FARS2: variants seen among roughly 807,000 people sequenced by gnomAD.
The protein encoded by FARS2 is phenylalanine--tRNA ligase, mitochondrial.
Under a neutral mutation model 46.4 loss-of-function variants are expected in FARS2, and 40 were observed. The ratio of observed to expected loss-of-function variants is 0.86; its 90% confidence interval spans 0.67 to 1.12. FARS2 has a LOEUF of 1.12. FARS2 is among the 50% of genes most tolerant of loss of function. FARS2 has a pLI of 0.00. For missense variants in FARS2, 513 were observed against 567.9 expected (o/e 0.90, Z 0.98); for synonymous variants, 234 against 214.9 (o/e 1.09, Z -0.78).
chr6:5,476,111 C>T (rs1766107392), intron 4 of FARS2, among the ~76,000 whole-genome samples: 3 of 152,106 alleles, frequency 2.0e-5, no homozygotes, highest in Admixed American at 2.0e-4. Context: ...CTCTTCCTTC[C>T]CTCCAAGTTG....
At chr6:5,545,435 A>ATTTAT (rs1179353446) in intron 5 of FARS2, 95 bp downstream of exon 5, 5 of 906,754 alleles carry the variant, frequency 5.5e-6, no homozygotes, top group Non-Finnish European at 6.4e-6. Flanking sequence ...ATTTTATTTT[A>ATTTAT]TTTATTTTAT....
chr6:5,628,895 A>G (rs1381702787), intron 6 of FARS2, among the ~76,000 whole-genome samples: 2 of 152,240 alleles, frequency 1.3e-5, no homozygotes, highest in African/African-American at 2.4e-5. Context: ...TCTAAAACAC[A>G]TGCAATTGCA....
chr6:5,754,749 T>C (rs1762122954), intron 6 of FARS2, among the ~76,000 whole-genome samples: 1 of 152,252 alleles, frequency 6.6e-6, no homozygotes. Context: ...CCTGAACTCT[T>C]TGTAGCTACT....
At chr6:5,637,093 G>T (rs1322622120) in intron 6 of FARS2, among the ~76,000 whole-genome samples, 6 of 152,218 alleles carry the variant, frequency 3.9e-5, no homozygotes, top group Admixed American at 3.9e-4. Flanking sequence ...ATCCAGAGCC[G>T]AATAGATGCA....
chr6:5,496,109 T>C (rs1290700000), intron 4 of FARS2, among the ~76,000 whole-genome samples: 2 of 152,202 alleles, frequency 1.3e-5, no homozygotes, highest in Admixed American at 1.3e-4. Flanking sequence ...ACTACGGCCA[T>C]ATAAAACAAT....
At chr6:5,414,830 T>G (rs1008451300) in intron 3 of FARS2, among the ~76,000 whole-genome samples, 2 of 147,268 alleles carry the variant, frequency 1.4e-5, no homozygotes, top group African/African-American at 2.5e-5. Flanking sequence ...TTTTTTTTTT[T>G]TTTGAGACAG....
At chr6:5,679,938 G>A (rs542463898) in intron 6 of FARS2, among the ~76,000 whole-genome samples, 45 of 151,456 alleles carry the variant, frequency 3.0e-4, no homozygotes, top group African/African-American at 1.1e-3. Context: ...GTTCCTGAGG[G>A]CATTACTTTT....
At chr6:5,592,644 G>A (rs1486348697) in intron 5 of FARS2, among the ~76,000 whole-genome samples, 2 of 152,150 alleles carry the variant, frequency 1.3e-5, no homozygotes, top group Non-Finnish European at 2.9e-5. Flanking sequence ...AGAGCTGAGA[G>A]GACATATGCT....
chr6:5,768,788 A>G (rs1359064713), intron 6 of FARS2, among the ~76,000 whole-genome samples: 1 of 152,152 alleles, frequency 6.6e-6, no homozygotes, highest in Non-Finnish European at 1.5e-5. Context: ...AGAAATGTCT[A>G]TTCAGATCTT....
chr6:5,544,734 C>T lies in FARS2; in HGVS notation c.905-446C>T, dbSNP rs997238573. ...CGTATGTACTTTCTTCATGTAAGTT[C>T]GTTCTAAACATGTTATGGCCACTAT... On this transcript the variant is annotated intron_variant, in intron 4 of 6. Transcript: ENST00000274680. Among the ~76,000 whole-genome samples, 7 of 152,268 alleles carry T rather than the reference C, an allele frequency of 4.6e-5. 1 individual carries two copies. In the East Asian group the frequency reaches 9.6e-4, roughly 21 times the overall value.
At chr6:5,319,203 C>T (rs1279372776) in intron 1 of FARS2, among the ~76,000 whole-genome samples, 1 of 152,012 alleles carries the variant, frequency 6.6e-6, no homozygotes, top group Non-Finnish European at 1.5e-5. Context: ...ACTACCAGTG[C>T]CAGGGAAAGG....
At chr6:5,613,390 A>G (rs1775295818) in intron 6 of FARS2, 70 bp downstream of exon 6, 2 of 1,456,240 alleles carry the variant, frequency 1.4e-6, no homozygotes, top group Non-Finnish European at 1.9e-6. Context: ...GAAGCATATC[A>G]TAAAATTTGC....
At chr6:5,361,021 C>G (rs1318569218) in intron 1 of FARS2, among the ~76,000 whole-genome samples, 1 of 152,092 alleles carries the variant, frequency 6.6e-6, no homozygotes, top group Non-Finnish European at 1.5e-5. Flanking sequence ...TAATGAATGT[C>G]TATTTAGAAT....
intron 5 of FARS2, among the ~76,000 whole-genome samples, chr6:5,579,394 G>A (rs1773194547): frequency 6.6e-6 from 1 of 152,046 alleles, no homozygotes; most frequent in South Asian, 2.1e-4. Context: ...CCGAGTAGCA[G>A]GGATTACAGG....
intron 1 of FARS2, among the ~76,000 whole-genome samples, chr6:5,271,997 C>T (rs1765990571): frequency 6.6e-6 from 1 of 152,158 alleles, no homozygotes; most frequent in South Asian, 2.1e-4. Flanking sequence ...TACCCAGAGT[C>T]AACTATGTTC....
intron 6 of FARS2, among the ~76,000 whole-genome samples, chr6:5,642,014 G>T (rs1358366482): frequency 6.6e-6 from 1 of 152,090 alleles, no homozygotes; most frequent in African/African-American, 2.4e-5. Flanking sequence ...GTTATCCTTG[G>T]TACTTACCAT....
chr6:5,679,556 C>G (rs1010057958), intron 6 of FARS2, among the ~76,000 whole-genome samples: 1 of 152,128 alleles, frequency 6.6e-6, no homozygotes, highest in Non-Finnish European at 1.5e-5. Context: ...CAATACTGAT[C>G]GCCTTACCTC....
At chr6:5,634,842 G>A (rs761905981) in intron 6 of FARS2, among the ~76,000 whole-genome samples, 3 of 152,136 alleles carry the variant, frequency 2.0e-5, no homozygotes, top group Non-Finnish European at 4.4e-5. Context: ...ATCATTCCAC[G>A]GGCAGATTGA....
chr6:5,709,641 A>C (rs1449517204), intron 6 of FARS2, among the ~76,000 whole-genome samples: 2 of 150,330 alleles, frequency 1.3e-5, no homozygotes, highest in African/African-American at 4.9e-5. Context: ...CCAAGAAGAA[A>C]ATTATGGTCC....
Sources: gnomAD v4.1 joint callset for allele counts (sites outside exome capture counted in the v4.1 genomes callset) on GRCh38, gnomAD v4.1.1 for gene constraint, MANE v1.5 for transcripts, NCBI Gene and HGNC (gene_info 2026-07-23, HGNC 2026-07-21) for gene names.